Variants in NRXN1 observed in about 807,000 individuals in gnomAD.
NRXN1 encodes the protein neurexin-1.
NRXN1 carries 39 observed loss-of-function variants against 150.9 expected under a neutral mutation model. The ratio of observed to expected loss-of-function variants is 0.26; its 90% confidence interval spans 0.20 to 0.34. The LOEUF (loss-of-function observed/expected upper bound fraction) is 0.34. NRXN1 is among the 10% of genes least tolerant of loss of function. The probability of loss-of-function intolerance (pLI) is 1.00; values close to 1 mark genes in which losing one functional copy is unlikely to be tolerated. For synonymous variants in NRXN1, 924 were observed against 757.0 expected (o/e 1.22, Z -3.62); for missense variants, 1,815 against 1,949.9 (o/e 0.93, Z 1.30).
Position 50,067,045 on chromosome 2 carries a change from T to C in NRXN1, c.3719-12001A>G, listed in dbSNP as rs538889089. Among the ~76,000 whole-genome samples, 12 of 152,298 alleles carry C rather than the reference T, an allele frequency of 7.9e-5. No homozygotes were observed. The South Asian group carries it at 2.3e-3, about 29-fold the overall frequency. The stretch of plus-strand genomic sequence containing the variant: ...ACAGCTCAAGTAGGGTGATGCGCTG[T>C]TCGTGACTAATGCTTCAGATGACAT... On this transcript the variant is annotated intron_variant, in intron 19 of 22. Coordinates refer to ENST00000401669, the MANE Select transcript of NRXN1 (RefSeq NM_001330078.2).
At chr2:50,493,617 A>G (rs1484152724) in intron 15 of NRXN1, among the ~76,000 whole-genome samples, 1 of 152,192 alleles carries the variant, frequency 6.6e-6, no homozygotes, top group Non-Finnish European at 1.5e-5. Context: ...AAGACACATC[A>G]GGCCCCACAG....
intron 5 of NRXN1, among the ~76,000 whole-genome samples, chr2:50,721,221 G>A (rs1481351239): frequency 6.6e-6 from 1 of 152,104 alleles, no homozygotes; most frequent in African/African-American, 2.4e-5. Context: ...AGAGCAGGGT[G>A]CCCTAAGAAC....
At chr2:49,977,008 T>C (rs1679107542) in intron 21 of NRXN1, among the ~76,000 whole-genome samples, 2 of 152,176 alleles carry the variant, frequency 1.3e-5, no homozygotes, top group South Asian at 2.1e-4. Flanking sequence ...TTTTTACCAA[T>C]AATGGTGTAG....
chr2:50,384,484 T>C (rs563307787), intron 17 of NRXN1, among the ~76,000 whole-genome samples: 10 of 119,846 alleles, frequency 8.3e-5, no homozygotes, highest in African/African-American at 2.3e-4. Flanking sequence ...TCAGCCTGAA[T>C]GACAGAGCAA....
At chr2:50,450,424 C>T (rs1266051530) in intron 17 of NRXN1, among the ~76,000 whole-genome samples, 1 of 130,162 alleles carries the variant, frequency 7.7e-6, no homozygotes, top group Admixed American at 7.9e-5. Flanking sequence ...TGTGATAGGT[C>T]ATGGAGCAAA....
intron 17 of NRXN1, among the ~76,000 whole-genome samples, chr2:50,272,993 T>G (rs2069905897): frequency 6.6e-6 from 1 of 152,068 alleles, no homozygotes; most frequent in South Asian, 2.1e-4. Context: ...GTTCATGAAT[T>G]TAAGAAATTG....
chr2:50,029,056 T>TCTTCACC (rs1688795319), intron 21 of NRXN1, among the ~76,000 whole-genome samples: 1 of 152,138 alleles, frequency 6.6e-6, no homozygotes, highest in South Asian at 2.1e-4. Flanking sequence ...TATTAGGAGG[T>TCTTCACC]GAAGTCTTTG....
intron 5 of NRXN1, among the ~76,000 whole-genome samples, chr2:50,701,759 C>T (rs1013379956): frequency 6.6e-6 from 1 of 152,106 alleles, no homozygotes; most frequent in Non-Finnish European, 1.5e-5. Flanking sequence ...GGATGGGAGA[C>T]ATTTTCTGCT....
At chr2:50,223,531 T>G (rs917789290) in intron 18 of NRXN1, among the ~76,000 whole-genome samples, 56 of 151,922 alleles carry the variant, frequency 3.7e-4, no homozygotes, top group African/African-American at 1.3e-3. Context: ...CCTAGACGAG[T>G]AGCTGTCTAA....
chr2:50,702,483 ATCT>A (rs1460621601), intron 5 of NRXN1, among the ~76,000 whole-genome samples: 2 of 152,178 alleles, frequency 1.3e-5, no homozygotes, highest in Non-Finnish European at 2.9e-5. Context: ...TACATAGTTC[ATCT>A]TCTCAATATA....
At chr2:50,800,225 T>C (rs913295496) in intron 5 of NRXN1, among the ~76,000 whole-genome samples, 1 of 152,184 alleles carries the variant, frequency 6.6e-6, no homozygotes, top group Non-Finnish European at 1.5e-5. Context: ...ATTTCATTGC[T>C]GATTTGTCAG....
rs114091388 is a variant in NRXN1 at position 50,258,615 on chromosome 2, G to A, written c.3365-21645C>T. On this transcript the variant is annotated intron_variant, in intron 17 of 22. Coordinates refer to ENST00000401669, the MANE Select transcript of NRXN1 (RefSeq NM_001330078.2). The stretch of plus-strand genomic sequence containing the variant: ...TCCTATTAGCACTGATATTTTTACC[G>A]TCTTCCCTGAGTCACAGATGTTCTT... Among the ~76,000 whole-genome samples, 516 of 151,920 alleles carry A rather than the reference G, an allele frequency of 3.4e-3. 2 individuals are homozygous for A. Among genetic ancestry groups the A allele is most frequent in the African/African-American group, 0.011 (439 of 41,470 alleles).
chr2:50,577,887 G>T (rs1188876014), intron 8 of NRXN1, among the ~76,000 whole-genome samples: 1 of 152,102 alleles, frequency 6.6e-6, no homozygotes, highest in Non-Finnish European at 1.5e-5. Context: ...GCTATAATAT[G>T]CAATAATGTC....
At chr2:49,952,587 T>C (rs1033682539) in intron 21 of NRXN1, among the ~76,000 whole-genome samples, 1 of 152,126 alleles carries the variant, frequency 6.6e-6, no homozygotes, top group African/African-American at 2.4e-5. Flanking sequence ...CCTCAGTCTC[T>C]GTACCTAAAT....
intron 8 of NRXN1, among the ~76,000 whole-genome samples, chr2:50,593,713 T>G (rs907531573): frequency 6.6e-6 from 1 of 152,198 alleles, no homozygotes; most frequent in African/African-American, 2.4e-5. Context: ...TAAAAACATC[T>G]ATATATTTTG....
chr2:50,133,924 C>T (rs150154271), intron 18 of NRXN1, among the ~76,000 whole-genome samples: 98 of 152,278 alleles, frequency 6.4e-4, no homozygotes, highest in African/African-American at 2.2e-3. Context: ...AAGCAGAACA[C>T]CTAATAAAAG....
chr2:50,671,457 T>C (rs1267677677), intron 5 of NRXN1, among the ~76,000 whole-genome samples: 2 of 151,692 alleles, frequency 1.3e-5, no homozygotes, highest in South Asian at 2.1e-4. Flanking sequence ...ATATTATCAA[T>C]ATCATGTTCA....
intron 17 of NRXN1, among the ~76,000 whole-genome samples, chr2:50,331,721 T>A (rs1201811303): frequency 6.6e-6 from 1 of 152,190 alleles, no homozygotes; most frequent in African/African-American, 2.4e-5. Flanking sequence ...GTTCAAGTGA[T>A]TTTCCTGCAT....
intron 17 of NRXN1, among the ~76,000 whole-genome samples, chr2:50,313,571 G>A (rs1464771874): frequency 6.6e-6 from 1 of 152,082 alleles, no homozygotes; most frequent in Non-Finnish European, 1.5e-5. Context: ...GAGGCTGTAA[G>A]CCAAGGAATC....
Sources: gnomAD v4.1 joint callset for allele counts (sites outside exome capture counted in the v4.1 genomes callset) on GRCh38, gnomAD v4.1.1 for gene constraint, MANE v1.5 for transcripts, NCBI Gene and HGNC (gene_info 2026-07-23, HGNC 2026-07-21) for gene names.